Variants in SEMA3E observed in about 807,000 individuals in gnomAD.
SEMA3E encodes the protein semaphorin-3E.
Under a neutral mutation model 93.6 loss-of-function variants are expected in SEMA3E, and 49 were observed. The ratio of observed to expected loss-of-function variants is 0.52; its 90% confidence interval spans 0.42 to 0.66. The LOEUF (loss-of-function observed/expected upper bound fraction) is 0.66. Ranked by LOEUF, SEMA3E falls within the 30% of genes least tolerant of loss-of-function variation. The pLI, the probability that SEMA3E is intolerant of heterozygous loss-of-function variation, is 0.00. For synonymous variants in SEMA3E, 363 were observed against 330.7 expected (o/e 1.10, Z -1.06); for missense variants, 906 against 964.8 (o/e 0.94, Z 0.81).
At chr7:83,378,504 C>T (rs17212810) in intron 16 of SEMA3E, among the ~76,000 whole-genome samples, 1 of 151,678 alleles carries the variant, frequency 6.6e-6, no homozygotes, top group Non-Finnish European at 1.5e-5. Context: ...CTTTGTCATT[C>T]GAATATTTTG....
intron 7 of SEMA3E, among the ~76,000 whole-genome samples, chr7:83,406,494 C>T (rs1369513856): frequency 6.6e-6 from 1 of 151,754 alleles, no homozygotes; most frequent in African/African-American, 2.4e-5. Flanking sequence ...AACACCCATA[C>T]TATATATGTA....
chr7:83,545,666 C>G (rs528412425), intron 1 of SEMA3E, among the ~76,000 whole-genome samples: 1 of 150,512 alleles, frequency 6.6e-6, no homozygotes, highest in African/African-American at 2.4e-5. Flanking sequence ...ACAGGGCTCT[C>G]TTGCCTCTAC....
At chr7:83,505,752 A>G (rs986766004) in intron 1 of SEMA3E, among the ~76,000 whole-genome samples, 2 of 152,108 alleles carry the variant, frequency 1.3e-5, no homozygotes, top group Admixed American at 1.3e-4. Flanking sequence ...ACAGTGGCTC[A>G]TGCCTGTAAT....
chr7:83,606,294 A>G (rs1177983562), intron 1 of SEMA3E, among the ~76,000 whole-genome samples: 2 of 152,212 alleles, frequency 1.3e-5, no homozygotes, highest in African/African-American at 2.4e-5. Flanking sequence ...TGGCCTTAAT[A>G]TTTTAGCAAC....
intron 1 of SEMA3E, among the ~76,000 whole-genome samples, chr7:83,544,474 A>G (rs1341625224): frequency 2.0e-5 from 3 of 152,166 alleles, no homozygotes; most frequent in African/African-American, 7.2e-5. Flanking sequence ...AGCTTCACTG[A>G]TGAGAAAGGT....
chr7:83,629,046 C>T (rs139027947), intron 1 of SEMA3E, among the ~76,000 whole-genome samples: 2 of 152,228 alleles, frequency 1.3e-5, no homozygotes, highest in East Asian at 3.9e-4. Flanking sequence ...TCAGGCTCCT[C>T]TTCTCCAGGT....
intron 1 of SEMA3E, among the ~76,000 whole-genome samples, chr7:83,536,494 A>T (rs1791412602): frequency 6.6e-6 from 1 of 152,114 alleles, no homozygotes; most frequent in Admixed American, 6.6e-5. Context: ...TCTCTTGAAA[A>T]ATATGACAAA....
chr7:83,456,113 T>C (rs548447903), intron 4 of SEMA3E, among the ~76,000 whole-genome samples: 135 of 152,360 alleles, frequency 8.9e-4, no homozygotes, highest in African/African-American at 3.1e-3. Context: ...AATATTCTTG[T>C]GCTAAAGTCG....
chr7:83,408,619 G>C (rs1788373558), intron 5 of SEMA3E, 132 bp from the exon 6 acceptor site: 1 of 1,054,928 alleles, frequency 9.5e-7, no homozygotes, highest in South Asian at 1.4e-5. Context: ...TAGGAGCATG[G>C]ATGGTATAGT....
chr7:83,423,732 C>A (rs978691090), intron 4 of SEMA3E, among the ~76,000 whole-genome samples: 1 of 151,640 alleles, frequency 6.6e-6, no homozygotes, highest in Non-Finnish European at 1.5e-5. Flanking sequence ...AGGATGGTCC[C>A]GATCTCCTGA....
intron 4 of SEMA3E, among the ~76,000 whole-genome samples, chr7:83,426,378 T>C (rs1370879275): frequency 1.5e-5 from 2 of 131,604 alleles, no homozygotes; most frequent in Non-Finnish European, 3.2e-5. Flanking sequence ...ATATACACCA[T>C]GGAATACCAC....
intron 1 of SEMA3E, among the ~76,000 whole-genome samples, chr7:83,578,116 C>T (rs967854423): frequency 2.7e-5 from 4 of 150,810 alleles, no homozygotes; most frequent in South Asian, 4.2e-4. Flanking sequence ...AATATATTTA[C>T]ATCCAGTAAT....
chr7:83,469,657 A>C (rs898507347), intron 2 of SEMA3E, among the ~76,000 whole-genome samples: 2 of 151,888 alleles, frequency 1.3e-5, no homozygotes, highest in African/African-American at 4.9e-5. Context: ...TTTACTACTT[A>C]ACACAGAACC....
chr7:83,597,035 A>G (rs140653806), intron 1 of SEMA3E, among the ~76,000 whole-genome samples: 1 of 152,140 alleles, frequency 6.6e-6, no homozygotes, highest in East Asian at 1.9e-4. Context: ...TGACAGTTAG[A>G]CCAACGGAAC....
At chr7:83,409,679 T>A (rs1788402220) in intron 5 of SEMA3E, among the ~76,000 whole-genome samples, 1 of 151,918 alleles carries the variant, frequency 6.6e-6, no homozygotes, top group Non-Finnish European at 1.5e-5. Context: ...ATTTTATAAT[T>A]AGGATTATTA....
chr7:83,515,935 G>A (rs995511586), intron 1 of SEMA3E, among the ~76,000 whole-genome samples: 1 of 152,176 alleles, frequency 6.6e-6, no homozygotes, highest in South Asian at 2.1e-4. Context: ...GCTGAGGCAG[G>A]AGAATCACTT....
intron 4 of SEMA3E, among the ~76,000 whole-genome samples, chr7:83,437,766 C>A (rs1290796674): frequency 6.6e-6 from 1 of 152,142 alleles, no homozygotes; most frequent in Non-Finnish European, 1.5e-5. Context: ...AAGTGGCTGA[C>A]CTCAGACCTT....
At chr7:83,528,144 T>A (rs17505754) in intron 1 of SEMA3E, among the ~76,000 whole-genome samples, 80,077 of 151,794 alleles carry the variant, frequency 0.53, 23,471 homozygotes, top group Middle Eastern at 0.69. Flanking sequence ...GTTAGCCTAC[T>A]GACAATACTG....
At chr7:83,487,216 C>G (rs1790275666) in intron 2 of SEMA3E, among the ~76,000 whole-genome samples, 1 of 152,056 alleles carries the variant, frequency 6.6e-6, no homozygotes, top group Non-Finnish European at 1.5e-5. Flanking sequence ...TGAGAAGCTG[C>G]TATCTCTTGG....
Sources: gnomAD v4.1 joint callset for allele counts (sites outside exome capture counted in the v4.1 genomes callset) on GRCh38, gnomAD v4.1.1 for gene constraint, MANE v1.5 for transcripts, NCBI Gene and HGNC (gene_info 2026-07-23, HGNC 2026-07-21) for gene names.